LMNB1: variants seen among roughly 807,000 people sequenced by gnomAD.
The protein encoded by LMNB1 is lamin-B1.
A neutral mutation model predicts 67.1 loss-of-function variants in LMNB1; 23 were observed. That is an observed-to-expected ratio of 0.34 (90% CI 0.25 to 0.49). The LOEUF is 0.49. Ranked by LOEUF, LMNB1 falls within the 20% of genes least tolerant of loss-of-function variation. LMNB1 has a pLI of 0.99. For missense variants in LMNB1, 634 were observed against 746.5 expected, an observed-to-expected ratio of 0.85 and a Z score of 1.76; for synonymous variants, 281 against 282.9, an observed-to-expected ratio of 0.99 and a Z score of 0.07.
intron 1 of LMNB1, among the ~76,000 whole-genome samples, chr5:126,794,179 C>A (rs891739522): frequency 2.1e-4 from 32 of 152,126 alleles, no homozygotes; most frequent in African/African-American, 7.0e-4. Context: ...CCTGCCTCGG[C>A]CCCCTATAGT....
At chr5:126,798,808 A>G (rs1580535062) in intron 1 of LMNB1, among the ~76,000 whole-genome samples, 1 of 149,838 alleles carries the variant, frequency 6.7e-6, no homozygotes, top group Non-Finnish European at 1.5e-5. Flanking sequence ...ACATTTAGCA[A>G]AATAGTCATT....
At chr5:126,806,837 G>A (rs900193827) in intron 3 of LMNB1, among the ~76,000 whole-genome samples, 1 of 152,084 alleles carries the variant, frequency 6.6e-6, no homozygotes, top group Non-Finnish European at 1.5e-5. Context: ...GAATGCAGTG[G>A]CATGATCTTG....
intron 8 of LMNB1, among the ~76,000 whole-genome samples, chr5:126,824,157 A>C (rs962578185): frequency 6.6e-6 from 1 of 152,226 alleles, no homozygotes; most frequent in African/African-American, 2.4e-5. Flanking sequence ...TCTTTGGAAC[A>C]TGGTAGTAAT....
rs564867041 is a variant in LMNB1, at chr5:126,785,652, A to G, written c.359+7785A>G. Among the ~76,000 whole-genome samples the G allele has an allele frequency of 4.6e-5, 7 of 151,998 alleles. No individual in the cohort carries two copies. In the East Asian group the frequency reaches 1.4e-3, roughly 29 times the overall value. ...ATTAAATTTTTTAAACAGCAAATGT[A>G]TATTCATTATAGAAAAGGAGAAAAC... On this transcript the variant is annotated intron_variant, in intron 1 of 10. Coordinates refer to ENST00000261366, the MANE Select transcript of LMNB1 (RefSeq NM_005573.4).
In LMNB1 at chr5:126,818,994, A is replaced by T; in HGVS notation, c.1012A>T (p.Met338Leu). 6.2e-7 allele frequency: 1 copy of T among 1,614,210 alleles called. No individual in the cohort carries two copies. Among genetic ancestry groups the T allele is most frequent in the Non-Finnish European group, 8.5e-7 (1 of 1,180,016 alleles). ...LAKEKDNSRR[M>L]LTDKEREMAE... ...TAAAGAAAAAGACAACTCTCGTCGCATGCTGACAGACAAAGAGAGAGAGAT... is the reference window on the plus strand; with the variant it reads ...TAAAGAAAAAGACAACTCTCGTCGCTTGCTGACAGACAAAGAGAGAGAGAT... Residue 338 changes from methionine (M) to leucine (L), a missense_variant, in exon 6 of 11, where the codon ATG (methionine) becomes TTG (leucine). Coordinates refer to ENST00000261366, the MANE Select transcript of LMNB1 (RefSeq NM_005573.4).
At chr5:126,797,658 C>G (rs371116795) in intron 1 of LMNB1, among the ~76,000 whole-genome samples, 9 of 152,228 alleles carry the variant, frequency 5.9e-5, no homozygotes, top group African/African-American at 2.2e-4. Flanking sequence ...TACACTTGGA[C>G]TTTCTACATT....
At chr5:126,784,320 C>CA (rs1378692646) in intron 1 of LMNB1, among the ~76,000 whole-genome samples, 1 of 140,824 alleles carries the variant, frequency 7.1e-6, no homozygotes, top group Non-Finnish European at 1.5e-5. Flanking sequence ...TGAGCCACCG[C>CA]ACCTGGCCGG....
At chr5:126,824,940 G>T (rs376999506) in intron 8 of LMNB1, among the ~76,000 whole-genome samples, 1 of 144,534 alleles carries the variant, frequency 6.9e-6, no homozygotes, top group Admixed American at 7.5e-5. Flanking sequence ...TGCCCGCCTC[G>T]GCCTCCCAAA....
At chr5:126,835,074 A>C (rs986896579) in intron 10 of LMNB1, among the ~76,000 whole-genome samples, 4 of 152,206 alleles carry the variant, frequency 2.6e-5, no homozygotes, top group African/African-American at 9.6e-5. Context: ...GCTGAATCAG[A>C]GGGACTAACT....
At chr5:126,826,417 A>C (rs556947076) in intron 9 of LMNB1, among the ~76,000 whole-genome samples, 1 of 152,348 alleles carries the variant, frequency 6.6e-6, no homozygotes, top group South Asian at 2.1e-4. Flanking sequence ...AATGGATATT[A>C]ATGACACAAT....
intron 1 of LMNB1, among the ~76,000 whole-genome samples, chr5:126,801,867 T>C (rs1253888346): frequency 6.6e-6 from 1 of 152,260 alleles, no homozygotes. Context: ...GTAATTAATT[T>C]TGAGTCAGTA....
chr5:126,784,410 C>T (rs932646233), intron 1 of LMNB1, among the ~76,000 whole-genome samples: 2 of 151,512 alleles, frequency 1.3e-5, no homozygotes, highest in Non-Finnish European at 2.9e-5. Flanking sequence ...GGCTGGAGTG[C>T]AGTGGTGCGA....
chr5:126,827,490 G>A (rs932630980), intron 9 of LMNB1, among the ~76,000 whole-genome samples: 18 of 151,844 alleles, frequency 1.2e-4, no homozygotes, highest in African/African-American at 3.1e-4. Flanking sequence ...GTGAAACCCC[G>A]TCTCTACTAA....
intron 1 of LMNB1, among the ~76,000 whole-genome samples, chr5:126,788,734 G>A (rs1175454986): frequency 6.6e-6 from 1 of 152,110 alleles, no homozygotes; most frequent in African/African-American, 2.4e-5. Flanking sequence ...TGTCATTGGT[G>A]TTTTTGGTGC....
intron 6 of LMNB1, 108 bp from the exon 7 acceptor site, chr5:126,820,802 A>T: frequency 1.2e-6 from 1 of 833,488 alleles, no homozygotes. Context: ...CTGTTGGGTT[A>T]CAGACATGAG....
chr5:126,800,977 A>AATTTTTTTTTTTTT (rs1481273764), intron 1 of LMNB1, among the ~76,000 whole-genome samples: 25 of 38,268 alleles, frequency 6.5e-4, no homozygotes, highest in East Asian at 2.2e-3. Context: ...ATATATATAT[A>AATTTTTTTTTTTTT]TATAATTTTT....
At chr5:126,810,083 C>T (rs1324490921) in intron 3 of LMNB1, 97 bp from the exon 4 acceptor site, 15 of 1,122,702 alleles carry the variant, frequency 1.3e-5, no homozygotes, top group Non-Finnish European at 1.7e-5. Context: ...GGAGGAAGTT[C>T]GTGTGTAAAA....
At chr5:126,828,497 C>G (rs2973596) in intron 9 of LMNB1, among the ~76,000 whole-genome samples, 41,400 of 151,834 alleles carry the variant, frequency 0.27, 6,185 homozygotes, top group South Asian at 0.39. Context: ...ATTAGTAAAG[C>G]TAACTGAAGC....
chr5:126,800,951 C>CTGTATA (rs879341419), intron 1 of LMNB1, among the ~76,000 whole-genome samples: 1 of 47,322 alleles, frequency 2.1e-5, no homozygotes, highest in Admixed American at 3.6e-4. Context: ...TGCAGCCAGA[C>CTGTATA]TATATATATA....
Sources: allele counts gnomAD v4.1 joint callset (sites outside exome capture counted in the v4.1 genomes callset), GRCh38; gene constraint gnomAD v4.1.1; transcripts MANE v1.5; gene names NCBI Gene and HGNC (gene_info 2026-07-23, HGNC 2026-07-21).